Variants in MYO18B observed in about 807,000 individuals in gnomAD.
MYO18B encodes unconventional myosin-XVIIIb.
Under a neutral mutation model 273.0 loss-of-function variants are expected in MYO18B, and 204 were observed. The observed-to-expected ratio is 0.75, with a 90% CI of 0.67 to 0.84. The LOEUF (loss-of-function observed/expected upper bound fraction) is 0.84. Ranked by LOEUF, MYO18B falls within the 40% of genes least tolerant of loss-of-function variation. The pLI is 0.00. For missense variants in MYO18B, 3,212 were observed against 3,287.6 expected (o/e 0.98, Z 0.56); for synonymous variants, 1,330 against 1,305.7 (o/e 1.02, Z -0.40).
In MYO18B at chr22:26,026,656, C is replaced by G. The variant is rs555856855; in HGVS notation, c.6682C>G (p.Leu2228Val). Residue 2228 changes from leucine (L) to valine (V), a missense_variant, in exon 43 of 44, where the codon CTG (leucine) becomes GTG (valine). Leu to Val is a conservative substitution (Grantham distance 32, BLOSUM62 1). Coordinates refer to ENST00000335473, the MANE Select transcript of MYO18B (RefSeq NM_032608.7). ...GAGATTAGAACCTGCTTCCTCTCCC[C>G]TGGCTTCTCGGAGTACAAATACATC... is the stretch of plus-strand genomic sequence containing the variant. ...TERLEPASSP[L>V]ASRSTNTSPL... 3.7e-6 allele frequency: 6 copies of G among 1,613,902 alleles called. No homozygotes were observed. The highest frequency in any genetic ancestry group is 4.2e-6 in the Non-Finnish European group (5 of 1,179,884).
intron 22 of MYO18B, 62 bp from the exon 23 acceptor site, chr22:25,874,223 AC>A (rs781354352): frequency 1.1e-5 from 17 of 1,591,192 alleles, no homozygotes; most frequent in Admixed American, 1.7e-5. Context: ...ATTTGCAAGC[AC>A]CCCCCCATTG....
Position 26,027,412 on chromosome 22 carries a change from G to A in MYO18B, c.7438G>A (p.Ala2480Thr). The A allele has an allele frequency of 1.2e-6, 2 of 1,613,950 alleles. No individual in the cohort carries two copies. Among genetic ancestry groups the A allele is most frequent in the East Asian group, 2.2e-5 (1 of 44,868 alleles). ...AAGCATCCACTTTGAAACGGAAGAGGCTAACCGTTCCTTTCTCTCGGGGAT... is the reference window on the plus strand; with the variant it reads ...AAGCATCCACTTTGAAACGGAAGAGACTAACCGTTCCTTTCTCTCGGGGAT... The part of the protein sequence containing the change: ...RSSIHFETEE[A>T]NRSFLSGIKT... The change falls in exon 43 of 44, where the codon GCT becomes ACT. Residue 2480 changes from alanine (A) to threonine (T), a missense_variant. By Grantham distance (58) the Ala-to-Thr change is moderately conservative. Transcript: ENST00000335473. This position sits in a 1 kb window ranked among gnomAD's most constrained non-coding sequence, Gnocchi z 4.1.
intron 3 of MYO18B, 125 bp from the exon 4 acceptor site, chr22:25,767,990 C>A: frequency 1.1e-6 from 1 of 945,992 alleles, no homozygotes; most frequent in Non-Finnish European, 1.6e-6. Context: ...TTTGGAGGTG[C>A]TCGAGCATCT....
intron 39 of MYO18B, among the ~76,000 whole-genome samples, chr22:25,974,244 A>G (rs1257850121): frequency 1.3e-5 from 2 of 152,188 alleles, no homozygotes; most frequent in African/African-American, 4.8e-5. Flanking sequence ...TAGAACTTTG[A>G]TATATAAGAC....
At chr22:25,872,736 C>T (rs747893115) in intron 22 of MYO18B, among the ~76,000 whole-genome samples, 4 of 151,968 alleles carry the variant, frequency 2.6e-5, no homozygotes, top group Non-Finnish European at 4.4e-5. Context: ...TAGGATTAGA[C>T]ATGTAAAGTG....
intron 17 of MYO18B, among the ~76,000 whole-genome samples, chr22:25,836,526 A>G (rs777816255): frequency 6.6e-6 from 1 of 152,114 alleles, no homozygotes; most frequent in South Asian, 2.1e-4. Context: ...ACACTTGGAG[A>G]TACATATTCT....
At chr22:25,772,229 C>T in intron 6 of MYO18B, 105 bp from the exon 7 acceptor site, 1 of 1,075,344 alleles carries the variant, frequency 9.3e-7, no homozygotes. Flanking sequence ...GCACATAGCT[C>T]TCAAGAGGAG....
intron 3 of MYO18B, among the ~76,000 whole-genome samples, chr22:25,767,545 C>G (rs909804906): frequency 1.3e-5 from 2 of 152,186 alleles, no homozygotes; most frequent in African/African-American, 4.8e-5. Flanking sequence ...GAGATGGTAG[C>G]CCAGATAGAC....
At chr22:25,760,452 G>A (rs1418599126) in intron 1 of MYO18B, among the ~76,000 whole-genome samples, 1 of 136,740 alleles carries the variant, frequency 7.3e-6, no homozygotes. Flanking sequence ...ACAAATAATA[G>A]TGGTTTCCCT....
At chr22:26,058,487 G>C in the MYO18B span, among the ~76,000 whole-genome samples, 1 of 152,186 alleles carries the variant, frequency 6.6e-6, no homozygotes, top group Non-Finnish European at 1.5e-5. Context: ...GGTATCCACT[G>C]TGCTTCAGGG....
the MYO18B span, among the ~76,000 whole-genome samples, chr22:26,036,884 G>C: frequency 3.3e-5 from 5 of 152,328 alleles, no homozygotes; most frequent in East Asian, 7.7e-4. Flanking sequence ...ATTGTTCAGC[G>C]AGTGAGGAGA....
At chr22:25,876,046 A>C (rs9613030) in intron 23 of MYO18B, 143 bp from the exon 24 acceptor site, 5 of 269,116 alleles carry the variant, frequency 1.9e-5, no homozygotes, top group East Asian at 6.2e-5. Flanking sequence ...GTGTGTGTGT[A>C]TGTGTTTTAA....
chr22:25,924,696 GA>G (rs1569196801), intron 34 of MYO18B, among the ~76,000 whole-genome samples: 13 of 152,190 alleles, frequency 8.5e-5, no homozygotes, highest in African/African-American at 2.7e-4. Context: ...GGGAGGTTGT[GA>G]GCGAAGCGTG....
At chr22:25,842,454 C>T (rs2090112311) in intron 17 of MYO18B, among the ~76,000 whole-genome samples, 1 of 152,112 alleles carries the variant, frequency 6.6e-6, no homozygotes, top group South Asian at 2.1e-4. Context: ...AGGCAGATCA[C>T]TTGAGGTCAG....
intron 20 of MYO18B, among the ~76,000 whole-genome samples, chr22:25,850,503 C>T (rs527972647): frequency 7.9e-5 from 12 of 152,258 alleles, no homozygotes; most frequent in African/African-American, 2.4e-4. Flanking sequence ...GTCTATAACA[C>T]GAGGAAGTTG....
chr22:26,063,742 C>T, the MYO18B span, among the ~76,000 whole-genome samples: 1 of 152,206 alleles, frequency 6.6e-6, no homozygotes, highest in East Asian at 1.9e-4. Context: ...CATTAGGCTT[C>T]CCAGTTGTCA....
Position 25,826,505 on chromosome 22 carries a change from G to A in MYO18B, c.2786+6G>A, listed in dbSNP as rs763658452. On this transcript the variant is annotated splice_donor_region_variant and intron_variant, in intron 14 of 43. Coordinates refer to ENST00000335473, the MANE Select transcript of MYO18B (RefSeq NM_032608.7). ...GTGGTCTCACTCATCAACAGGTAAC[G>A]GGGCCTTTTCCTAGGCACACAGTTG... 11 of 1,611,714 alleles carry A rather than the reference G, an allele frequency of 6.8e-6. No homozygotes were observed. Among genetic ancestry groups the A allele is most frequent in the African/African-American group, 6.7e-5 (5 of 74,824 alleles).
intron 19 of MYO18B, 50 bp downstream of exon 19, chr22:25,846,333 C>G (rs771809914): frequency 1.6e-5 from 26 of 1,587,668 alleles, no homozygotes; most frequent in Non-Finnish European, 2.1e-5. Context: ...TGCCTCCATC[C>G]TCATCTCCTC....
chr22:25,832,412 C>T (rs531245730), intron 15 of MYO18B, among the ~76,000 whole-genome samples: 28 of 152,148 alleles, frequency 1.8e-4, no homozygotes, highest in African/African-American at 3.4e-4. Context: ...TTACGAGATA[C>T]GCACTTACTA....
Sources: gnomAD v4.1 joint callset for allele counts (sites outside exome capture counted in the v4.1 genomes callset) on GRCh38, gnomAD v4.1.1 for gene constraint, Gnocchi (gnomAD v3.1) non-coding constraint, MANE v1.5 for transcripts, NCBI Gene and HGNC (gene_info 2026-07-23, HGNC 2026-07-21) for gene names.